CENPP: variants seen among roughly 807,000 people sequenced by gnomAD.
CENPP encodes centromere protein P.
CENPP carries 24 observed loss-of-function variants against 35.6 expected under a neutral mutation model. The observed-to-expected ratio is 0.67, with a 90% CI of 0.49 to 0.95. The LOEUF (loss-of-function observed/expected upper bound fraction) is 0.95. Among genes scored for constraint, CENPP ranks in the 40% least tolerant of loss-of-function variants. The probability of loss-of-function intolerance (pLI) is 0.00; values close to 1 mark genes in which losing one functional copy is unlikely to be tolerated. For synonymous variants in CENPP, 120 were observed against 125.5 expected (o/e 0.96, Z 0.29); for missense variants, 332 against 345.3 (o/e 0.96, Z 0.31).
chr9:92,546,631 CA>C (rs1849461440), intron 5 of CENPP, among the ~76,000 whole-genome samples: 2 of 152,294 alleles, frequency 1.3e-5, no homozygotes, highest in South Asian at 4.1e-4. Flanking sequence ...CCAGAAGGAA[CA>C]AACTCTGGAC....
intron 5 of CENPP, among the ~76,000 whole-genome samples, chr9:92,589,315 C>CAG (rs1444734865): frequency 2.0e-5 from 3 of 151,206 alleles, no homozygotes; most frequent in African/African-American, 7.3e-5. Flanking sequence ...CACTGCACTC[C>CAG]AGCCTGGGAG....
rs762338827 is a variant in CENPP, at chr9:92,337,645, T to A, written c.378+16T>A. The A allele has an allele frequency of 6.9e-7, 1 of 1,448,464 alleles. No individual in the cohort carries two copies. Among genetic ancestry groups the A allele is most frequent in the Non-Finnish European group, 9.7e-7 (1 of 1,029,302 alleles). The allele number at this position is 1,448,464 out of a possible 1,614,324, so 89.7% of individuals were successfully genotyped here. On this transcript the variant is annotated intron_variant, in intron 3 of 7. Transcript: ENST00000375587. ...GGAAATTCAGGTAAATTAAGAAGCA[T>A]GTTGTGATAACAGAGATACTTCTGC...
chr9:92,432,086 A>G (rs972429858), intron 5 of CENPP, among the ~76,000 whole-genome samples: 2 of 152,114 alleles, frequency 1.3e-5, no homozygotes, highest in Non-Finnish European at 2.9e-5. Context: ...ACACTTTGGG[A>G]AGCTGAGGCG....
intron 5 of CENPP, chr9:92,517,338 G>A (rs1291426172): frequency 2.5e-6 from 1 of 407,658 alleles, no homozygotes; most frequent in Non-Finnish European, 4.4e-6. Context: ...GATTAAGTGG[G>A]ATAATGCACA....
chr9:92,500,862 T>A, intron 5 of CENPP: 2 of 1,614,202 alleles, frequency 1.2e-6, no homozygotes, highest in Non-Finnish European at 8.5e-7. Context: ...GGAGACACGG[T>A]CCATGCCATC....
chr9:92,475,042 G>T, intron 5 of CENPP: 1 of 1,105,106 alleles, frequency 9.0e-7, no homozygotes, highest in Non-Finnish European at 1.2e-6. Context: ...TAGCTAATCT[G>T]AGAGTAAATT....
chr9:92,337,574 C>T lies in CENPP; in HGVS notation c.323C>T (p.Ser108Leu). 1 of 1,608,502 alleles carries T rather than the reference C, an allele frequency of 6.2e-7. No homozygotes were observed. The highest frequency in any genetic ancestry group is 1.1e-5 in the South Asian group (1 of 90,902). The change falls in exon 3 of 8, where the codon TCA (serine) becomes TTA (leucine). Residue 108 changes from serine to leucine, a missense_variant. Transcript: ENST00000375587. Reference sequence around the variant, plus strand: ...AAAGTTCTACAGAGACACAGATTATCAGGAAATTGCCACATGGTTACATTT... The same window carrying T: ...AAAGTTCTACAGAGACACAGATTATTAGGAAATTGCCACATGGTTACATTT... ...IRKVLQRHRL[S>L]GNCHMVTFQL...
At chr9:92,511,120 CTTCTT>C (rs957598769) in intron 5 of CENPP, among the ~76,000 whole-genome samples, 10 of 152,016 alleles carry the variant, frequency 6.6e-5, no homozygotes, top group Non-Finnish European at 1.3e-4. Flanking sequence ...TGAATTCTCT[CTTCTT>C]TTCTCCTTTT....
At chr9:92,454,752 G>A (rs1844824408) in intron 5 of CENPP, among the ~76,000 whole-genome samples, 1 of 152,136 alleles carries the variant, frequency 6.6e-6, no homozygotes. Context: ...TATAGGTGAG[G>A]AAGCAGGCTC....
chr9:92,574,191 G>C (rs755805201), intron 5 of CENPP, among the ~76,000 whole-genome samples: 1 of 152,022 alleles, frequency 6.6e-6, no homozygotes. Flanking sequence ...GACTGGAGCT[G>C]TTCCTGTTCA....
At chr9:92,435,967 T>A (rs1247353193) in intron 5 of CENPP, among the ~76,000 whole-genome samples, 1 of 152,202 alleles carries the variant, frequency 6.6e-6, no homozygotes, top group Admixed American at 6.5e-5. Flanking sequence ...CATGTTTAGT[T>A]TTTAAAAACC....
intron 5 of CENPP, among the ~76,000 whole-genome samples, chr9:92,408,401 G>C (rs1355111697): frequency 6.6e-6 from 1 of 152,090 alleles, no homozygotes; most frequent in Non-Finnish European, 1.5e-5. Context: ...AGCCAGGATG[G>C]TCTCGATCTC....
chr9:92,440,631 A>G (rs1425128429), intron 5 of CENPP, among the ~76,000 whole-genome samples: 2 of 152,238 alleles, frequency 1.3e-5, no homozygotes, highest in African/African-American at 2.4e-5. Flanking sequence ...AAAATTGTGA[A>G]GAAGGAAAAA....
chr9:92,522,598 T>A, intron 5 of CENPP: 1 of 1,613,264 alleles, frequency 6.2e-7, no homozygotes, highest in South Asian at 1.1e-5. Flanking sequence ...ATAACTTGAT[T>A]CTACTCCAGG....
intron 5 of CENPP, among the ~76,000 whole-genome samples, chr9:92,582,068 TTTTGA>T (rs1314130119): frequency 2.0e-5 from 3 of 149,854 alleles, no homozygotes; most frequent in Non-Finnish European, 4.5e-5. Context: ...TTTTGTTTTG[TTTTGA>T]GACAGGATCT....
Position 92,335,213 on chromosome 9 carries a change from A to G in CENPP, c.290-2328A>G, listed in dbSNP as rs117705566. Among the ~76,000 whole-genome samples the G allele has an allele frequency of 5.9e-5, 9 of 152,328 alleles. No individual in the cohort carries two copies. The East Asian group carries it at 1.7e-3, about 29-fold the overall frequency. Reference sequence around the variant, plus strand: ...AATCAGTGTGTTCAAGTTAAAAAGTACTGAACTGAAAATTTATCATGCTAT... The same window carrying G: ...AATCAGTGTGTTCAAGTTAAAAAGTGCTGAACTGAAAATTTATCATGCTAT... On this transcript the variant is annotated intron_variant, in intron 2 of 7. Coordinates refer to ENST00000375587, the MANE Select transcript of CENPP (RefSeq NM_001012267.3).
chr9:92,422,762 C>A (rs897530373), intron 5 of CENPP, among the ~76,000 whole-genome samples: 2 of 152,118 alleles, frequency 1.3e-5, no homozygotes, highest in Non-Finnish European at 2.9e-5. Context: ...CTTGCTCTTT[C>A]CCCAGGATAA....
chr9:92,537,032 A>G (rs1486972225), intron 5 of CENPP, among the ~76,000 whole-genome samples: 1 of 151,312 alleles, frequency 6.6e-6, no homozygotes. Flanking sequence ...ACCATGCCAG[A>G]TTAATTTTTG....
At chr9:92,607,031 A>G (rs946734505) in intron 5 of CENPP, among the ~76,000 whole-genome samples, 11 of 152,186 alleles carry the variant, frequency 7.2e-5, no homozygotes, top group African/African-American at 1.4e-4. Context: ...ACCACCCAAA[A>G]GTCTGTTAGT....
Sources: gnomAD v4.1 joint callset for allele counts (sites outside exome capture counted in the v4.1 genomes callset) on GRCh38, gnomAD v4.1.1 for gene constraint, MANE v1.5 for transcripts, NCBI Gene and HGNC (gene_info 2026-07-23, HGNC 2026-07-21) for gene names.